Variants in ADCY7 observed in about 807,000 individuals in gnomAD.
ADCY7 encodes adenylate cyclase type 7.
In ADCY7, 72 loss-of-function variants were observed where a neutral mutation model predicts 120.6. That is an observed-to-expected ratio of 0.60 (90% CI 0.49 to 0.73). The LOEUF (loss-of-function observed/expected upper bound fraction) is 0.73, where lower values mean the gene tolerates loss of function less well. Among genes scored for constraint, ADCY7 ranks in the 30% least tolerant of loss-of-function variants. The pLI, the probability that ADCY7 is intolerant of heterozygous loss-of-function variation, is 0.00. For missense variants in ADCY7, 1,227 were observed against 1,486.0 expected (o/e 0.83, Z 2.87); for synonymous variants, 661 against 628.0 (o/e 1.05, Z -0.78).
intron 1 of ADCY7, among the ~76,000 whole-genome samples, chr16:50,287,152 A>T (rs780306933): frequency 8.6e-5 from 13 of 151,684 alleles, no homozygotes; most frequent in Non-Finnish European, 1.6e-4. Context: ...AGTAGCTGGG[A>T]TTACAGGCAC....
At chr16:50,290,391 C>T in intron 2 of ADCY7, 66 bp from the exon 3 acceptor site, 2 of 1,582,512 alleles carry the variant, frequency 1.3e-6, no homozygotes, top group South Asian at 2.3e-5. Context: ...GCCCGGCAGG[C>T]TTTCTGGAGG....
At position 50,297,997 on chromosome 16, in the gene ADCY7, G is replaced by A. The variant is rs2035467577; in HGVS notation, c.949-907G>A. Among the ~76,000 whole-genome samples the A allele has an allele frequency of 6.6e-6, 1 of 152,008 alleles. No homozygotes were observed. The highest frequency in any genetic ancestry group is 2.4e-5 in the African/African-American group (1 of 41,396). On this transcript the variant is annotated intron_variant, in intron 7 of 25. Coordinates refer to ENST00000673801, the MANE Select transcript of ADCY7 (RefSeq NM_001114.5). This position sits in a 1 kb window ranked among gnomAD's most constrained non-coding sequence, Gnocchi z 4.4. ...GCTGAGGGCTTAAGGAGGGTCTGGT[G>A]ACGCAGCAGTGCCTCAGATGAACCT...
At chr16:50,289,321 C>T in intron 2 of ADCY7, 1 of 447,146 alleles carries the variant, frequency 2.2e-6, no homozygotes. Context: ...CAGGTGTGAA[C>T]CACTGTGCCC....
At chr16:50,287,646 C>T (rs1279648983) in intron 1 of ADCY7, among the ~76,000 whole-genome samples, 2 of 149,760 alleles carry the variant, frequency 1.3e-5, no homozygotes, top group South Asian at 4.2e-4. Context: ...TGCCACTGCA[C>T]TCCAGCCTGG....
chr16:50,290,783 C>A, intron 3 of ADCY7, 123 bp downstream of exon 3: 1 of 1,096,850 alleles, frequency 9.1e-7, no homozygotes, highest in Non-Finnish European at 1.3e-6. Context: ...TGGCCCCAGG[C>A]TGGTTTTGTC....
In ADCY7 at chr16:50,307,082, C is replaced by A; in HGVS notation, c.1785C>A (p.His595Gln). Residue 595 changes from histidine to glutamine, a missense_variant, in exon 15 of 26, where the codon CAC becomes CAA. His to Gln is a conservative substitution (Grantham distance 24, BLOSUM62 0). Around this residue, in one of 5 missense-constraint regions of ADCY7, gnomAD observed 332 missense variants for 455.8 expected, o/e 0.73. Coordinates refer to ENST00000673801, the MANE Select transcript of ADCY7 (RefSeq NM_001114.5). ...TGGCACCCATCCCCCGGGCCCGCCA[C>A]GACTTTGCCTGCGCCAGCCTGATCT... Reference protein sequence around the residue: ...YRLAPIPRARHDFACASLIFV... With the variant: ...YRLAPIPRARQDFACASLIFV... 6.2e-7 allele frequency: 1 copy of A among 1,611,192 alleles called. No homozygotes were observed. The highest frequency in any genetic ancestry group is 8.5e-7 in the Non-Finnish European group (1 of 1,179,974).
chr16:50,305,226 G>A (rs2035980934), intron 12 of ADCY7, among the ~76,000 whole-genome samples: 1 of 152,238 alleles, frequency 6.6e-6, no homozygotes, highest in South Asian at 2.1e-4. Context: ...GACTGTGGGT[G>A]TCCTGGTCCC....
intron 1 of ADCY7, among the ~76,000 whole-genome samples, chr16:50,258,906 T>C (rs2032989113): frequency 2.0e-5 from 3 of 152,174 alleles, no homozygotes. Flanking sequence ...CTTAAGGTAG[T>C]ATTTTTAGTT....
At chr16:50,286,433 A>C (rs997115355) in intron 1 of ADCY7, among the ~76,000 whole-genome samples, 2 of 149,728 alleles carry the variant, frequency 1.3e-5, no homozygotes, top group African/African-American at 4.9e-5. Context: ...CCATCTCAAA[A>C]AAAAAAAAAA....
At chr16:50,251,016 C>T (rs1220736324) in intron 1 of ADCY7, among the ~76,000 whole-genome samples, 1 of 152,044 alleles carries the variant, frequency 6.6e-6, no homozygotes, top group Non-Finnish European at 1.5e-5. Flanking sequence ...AGGAGGAACG[C>T]TTTAGGCCAG....
At chr16:50,299,213 C>A (rs1050768791) in intron 8 of ADCY7, among the ~76,000 whole-genome samples, 182 bp downstream of exon 8, 1 of 152,232 alleles carries the variant, frequency 6.6e-6, no homozygotes, top group Non-Finnish European at 1.5e-5. Flanking sequence ...CTGTTTGCGT[C>A]CCTCCCTGTG....
At chr16:50,314,242 G>T in intron 23 of ADCY7, 50 bp from the exon 24 acceptor site, 1 of 1,558,522 alleles carries the variant, frequency 6.4e-7, no homozygotes, top group Middle Eastern at 1.7e-4. Context: ...GGCCCACTAG[G>T]TCTGGGGGCT....
At chr16:50,305,936 G>C in intron 14 of ADCY7, 87 bp downstream of exon 14, 1 of 1,364,584 alleles carries the variant, frequency 7.3e-7, no homozygotes, top group Non-Finnish European at 1.0e-6. Context: ...GGGGCAGCCT[G>C]CGTTCCCAAG....
rs528408106 is a variant in ADCY7, at chr16:50,314,402, C to T, written c.2967C>T (p.Arg989=). ...NRHSFNSFRL[R]VGINHGPVIA... is the part of the protein sequence containing the mutation. Reference sequence around the variant, plus strand: ...ACTCCTTCAACTCCTTCCGCCTCCGCGTCGGTGAGCCCGGGTGATGGAGCG... The same window carrying T: ...ACTCCTTCAACTCCTTCCGCCTCCGTGTCGGTGAGCCCGGGTGATGGAGCG... The change falls in exon 24 of 26, where the codon CGC becomes CGT. Residue 989 remains arginine, a synonymous_variant. Transcript: ENST00000673801. 1.8e-5 allele frequency: 29 copies of T among 1,613,050 alleles called. No individual in the cohort carries two copies. The highest frequency in any genetic ancestry group is 1.3e-4 in the East Asian group (6 of 44,888).
chr16:50,315,249 T>C (rs2036743077), intron 25 of ADCY7, 110 bp from the exon 26 acceptor site: 1 of 1,570,644 alleles, frequency 6.4e-7, no homozygotes, highest in Non-Finnish European at 8.7e-7. Context: ...GTTCTAGCTA[T>C]CACACTCTCC....
chr16:50,247,292 G>A (rs984728689), intron 1 of ADCY7, among the ~76,000 whole-genome samples: 1 of 152,230 alleles, frequency 6.6e-6, no homozygotes, highest in African/African-American at 2.4e-5. Flanking sequence ...GGACCCCACA[G>A]GAGTGGCTGA....
At chr16:50,300,971 G>A in intron 9 of ADCY7, 98 bp downstream of exon 9, 1 of 1,531,718 alleles carries the variant, frequency 6.5e-7, no homozygotes. Context: ...TGGAGGGAGA[G>A]ATGAATGTAG....
chr16:50,292,987 T>C (rs968595627), intron 5 of ADCY7, among the ~76,000 whole-genome samples, 162 bp downstream of exon 5: 1 of 152,116 alleles, frequency 6.6e-6, no homozygotes, highest in African/African-American at 2.4e-5. Flanking sequence ...AACCATAGCC[T>C]GCTGACCCTT....
At chr16:50,267,417 G>A (rs1024242966) in intron 1 of ADCY7, among the ~76,000 whole-genome samples, 1 of 152,140 alleles carries the variant, frequency 6.6e-6, no homozygotes, top group Non-Finnish European at 1.5e-5. Context: ...TGCTGGAGAG[G>A]AGAAGGGAGG....
Sources: gnomAD v4.1 joint callset for allele counts (sites outside exome capture counted in the v4.1 genomes callset) on GRCh38, gnomAD v4.1.1 for gene constraint, gnomAD v4.1.1 regional missense constraint, Gnocchi (gnomAD v3.1) non-coding constraint, MANE v1.5 for transcripts, NCBI Gene and HGNC (gene_info 2026-07-23, HGNC 2026-07-21) for gene names.